DGCR2: variants seen among roughly 807,000 people sequenced by gnomAD.
DGCR2 encodes the protein DiGeorge syndrome critical region gene 2, also known as integral membrane protein DGCR2/IDD.
Under a neutral mutation model 51.6 loss-of-function variants are expected in DGCR2, and 24 were observed. The ratio of observed to expected loss-of-function variants is 0.47; its 90% CI spans 0.34 to 0.65. The LOEUF (loss-of-function observed/expected upper bound fraction) is 0.65. Ranked by LOEUF, DGCR2 falls within the 30% of genes least tolerant of loss-of-function variation. The probability of loss-of-function intolerance (pLI) is 0.01; values close to 1 mark genes in which losing one functional copy is unlikely to be tolerated. For synonymous variants in DGCR2, 340 were observed against 315.4 expected, an observed-to-expected ratio of 1.08 and a Z score of -0.82; for missense variants, 765 against 772.1, an observed-to-expected ratio of 0.99 and a Z score of 0.11.
At chr22:19,044,549 C>T (rs1368004823) in intron 7 of DGCR2, among the ~76,000 whole-genome samples, 1 of 152,160 alleles carries the variant, frequency 6.6e-6, no homozygotes, top group South Asian at 2.1e-4. Flanking sequence ...CCTCACCATG[C>T]CTCTGGGAAC....
At chr22:19,085,062 A>T (rs2082998979) in intron 2 of DGCR2, among the ~76,000 whole-genome samples, 1 of 149,798 alleles carries the variant, frequency 6.7e-6, no homozygotes, top group Non-Finnish European at 1.5e-5. Flanking sequence ...GACATGGGAG[A>T]CTTTTCATTT....
intron 1 of DGCR2, among the ~76,000 whole-genome samples, chr22:19,116,068 G>A (rs1048641035): frequency 6.6e-6 from 1 of 152,230 alleles, no homozygotes; most frequent in African/African-American, 2.4e-5. Context: ...TTCCAAATGA[G>A]GAAACTGAAG....
intron 2 of DGCR2, among the ~76,000 whole-genome samples, chr22:19,083,572 T>C (rs2082965586): frequency 6.6e-6 from 1 of 152,200 alleles, no homozygotes; most frequent in African/African-American, 2.4e-5. Flanking sequence ...TCTGCCACTA[T>C]TTACTTGTCT....
At position 19,056,492 on chromosome 22, in the gene DGCR2, T is replaced by C; in HGVS notation, c.802+494A>G. ...TGTGATGGTGAAGAGGAAGGGGACC[T>C]GCCCCACCAAGAGCTCCTGAGACCC... On this transcript the variant is annotated intron_variant, in intron 6 of 9. Transcript: ENST00000263196. The C allele has an allele frequency of 3.8e-6, 2 of 528,718 alleles. 1 individual carries two copies. Among genetic ancestry groups the C allele is most frequent in the Non-Finnish European group, 6.9e-6 (2 of 288,828 alleles). The allele number at this position is 528,718 out of a possible 1,614,324, so 32.8% of individuals were successfully genotyped here.
At position 19,041,962 on chromosome 22, in the gene DGCR2, G is replaced by A; in HGVS notation, c.1007-3C>T. On this transcript the variant is annotated splice_polypyrimidine_tract_variant and splice_region_variant and intron_variant, in intron 7 of 9. Transcript: ENST00000263196. ...GGAGTCAAACAGACTGTTGCCATCT[G>A]AGGGGGAGGGGAGGAAATGGCCGCT... 2.5e-6 allele frequency: 4 copies of A among 1,611,674 alleles called. No homozygotes were observed. Among genetic ancestry groups the A allele is most frequent in the Non-Finnish European group, 3.4e-6 (4 of 1,179,250 alleles).
Position 19,039,075 on chromosome 22 carries a change from C to T in DGCR2, c.1443G>A (p.Gly481=). 3 of 1,613,278 alleles carry T rather than the reference C, an allele frequency of 1.9e-6. No individual in the cohort carries two copies. The highest frequency in any genetic ancestry group is 2.5e-6 in the Non-Finnish European group (3 of 1,180,002). Reference sequence around the variant, plus strand: ...GTAATGCACCTTCACTCCCACCATCCCCAGGGGCTGGCAGGCTGACCTCCA... The same window carrying T: ...GTAATGCACCTTCACTCCCACCATCTCCAGGGGCTGGCAGGCTGACCTCCA... ...EPVEVSLPAP[G]DGGSEGALLR... Residue 481 remains glycine, a synonymous_variant, in exon 10 of 10, where the codon GGG becomes GGA. Transcript: ENST00000263196.
intron 2 of DGCR2, among the ~76,000 whole-genome samples, chr22:19,086,695 T>C (rs2083020477): frequency 1.3e-5 from 2 of 152,090 alleles, no homozygotes; most frequent in Admixed American, 1.3e-4. Context: ...TCAGCCCTGG[T>C]GCAGGCCACC....
intron 6 of DGCR2, among the ~76,000 whole-genome samples, chr22:19,052,182 CGATGCAGGTG>C (rs1226483277): frequency 5.9e-5 from 9 of 152,032 alleles, no homozygotes; most frequent in African/African-American, 1.9e-4. Flanking sequence ...TTTGGGAGGC[CGATGCAGGTG>C]GATCATCTGA....
intron 7 of DGCR2, chr22:19,045,263 C>G (rs972047686): frequency 1.3e-5 from 2 of 152,248 alleles, no homozygotes; most frequent in Admixed American, 1.3e-4. Context: ...TTAGGCTGGT[C>G]TGAAGGTAGT....
intron 2 of DGCR2, among the ~76,000 whole-genome samples, chr22:19,074,619 G>T (rs2082854123): frequency 6.6e-6 from 1 of 152,062 alleles, no homozygotes; most frequent in Non-Finnish European, 1.5e-5. Flanking sequence ...AATACCAAAT[G>T]AAACAGCTAA....
chr22:19,070,487 G>A (rs2082802244), intron 2 of DGCR2, among the ~76,000 whole-genome samples: 1 of 152,096 alleles, frequency 6.6e-6, no homozygotes, highest in Non-Finnish European at 1.5e-5. Flanking sequence ...CACAGTACCT[G>A]GTAAAATTGC....
At chr22:19,082,142 G>C (rs1011199058) in intron 2 of DGCR2, among the ~76,000 whole-genome samples, 4 of 149,874 alleles carry the variant, frequency 2.7e-5, no homozygotes, top group Non-Finnish European at 4.4e-5. Context: ...TGACCTCAGG[G>C]ACTCAGGTGA....
chr22:19,057,235 C>T lies in DGCR2; in HGVS notation c.626-73G>A. 3 of 1,432,514 alleles carry T rather than the reference C, an allele frequency of 2.1e-6. No homozygotes were observed. The highest frequency in any genetic ancestry group is 2.8e-6 in the Non-Finnish European group (3 of 1,068,472). The allele number at this position is 1,432,514 out of a possible 1,614,324, so 88.7% of individuals were successfully genotyped here. Reference sequence around the variant, plus strand: ...CAAGCTGTGCAGTCCTCAAGGGGACCATGGCGTCAGACAGGATCATCAACC... The same window carrying T: ...CAAGCTGTGCAGTCCTCAAGGGGACTATGGCGTCAGACAGGATCATCAACC... On this transcript the variant is annotated intron_variant, in intron 5 of 9. Coordinates refer to ENST00000263196, the MANE Select transcript of DGCR2 (RefSeq NM_005137.3). The surrounding 1 kb of genome is among the most constrained non-coding windows in gnomAD (Gnocchi z 5.1).
At chr22:19,090,919 A>G (rs1291702761) in intron 1 of DGCR2, among the ~76,000 whole-genome samples, 1 of 152,248 alleles carries the variant, frequency 6.6e-6, no homozygotes, top group African/African-American at 2.4e-5. Flanking sequence ...AAACACTCCA[A>G]CTGAAAGGCA....
At chr22:19,059,843 C>G (rs570201477) in intron 5 of DGCR2, among the ~76,000 whole-genome samples, 3 of 152,270 alleles carry the variant, frequency 2.0e-5, no homozygotes, top group Admixed American at 2.0e-4. Flanking sequence ...GCAGCCACTG[C>G]CACCTCCATG....
intron 1 of DGCR2, among the ~76,000 whole-genome samples, chr22:19,109,924 G>A (rs2066240): frequency 0.094 from 14,270 of 152,248 alleles, 735 homozygotes; most frequent in Middle Eastern, 0.15. Flanking sequence ...GAAATCTGAC[G>A]CATCTAAAAG....
chr22:19,120,253 C>A (rs56855020), intron 1 of DGCR2, among the ~76,000 whole-genome samples: 2,493 of 152,266 alleles, frequency 0.016, 89 homozygotes, highest in East Asian at 0.062. Flanking sequence ...AGTTTGCTCC[C>A]TCTACCAGAT....
chr22:19,078,458 A>G (rs1239400075), intron 2 of DGCR2, among the ~76,000 whole-genome samples: 1 of 152,188 alleles, frequency 6.6e-6, no homozygotes, highest in Admixed American at 6.5e-5. Flanking sequence ...AGTTCTAACC[A>G]TGTTTCTGTG....
intron 1 of DGCR2, among the ~76,000 whole-genome samples, chr22:19,117,933 C>A (rs2083390521): frequency 6.6e-6 from 1 of 152,192 alleles, no homozygotes; most frequent in African/African-American, 2.4e-5. Context: ...GGAAAGCACT[C>A]CAAACTCAGG....
Sources: gnomAD v4.1 joint callset for allele counts (sites outside exome capture counted in the v4.1 genomes callset) on GRCh38, gnomAD v4.1.1 for gene constraint, Gnocchi (gnomAD v3.1) non-coding constraint, MANE v1.5 for transcripts, NCBI Gene and HGNC (gene_info 2026-07-23, HGNC 2026-07-21) for gene names.